The following FAM78B variants were observed in gnomAD, a reference collection of about 807,000 sequenced individuals.
FAM78B encodes family with sequence similarity 78 member B, also known as protein FAM78B.
In FAM78B, 10 loss-of-function variants were observed where a neutral mutation model predicts 20.0. That is an observed-to-expected ratio of 0.50 (90% CI 0.31 to 0.85). The LOEUF (loss-of-function observed/expected upper bound fraction) is 0.85. Ranked by LOEUF, FAM78B falls within the 40% of genes least tolerant of loss-of-function variation. The probability of loss-of-function intolerance (pLI) is 0.05; values close to 1 mark genes in which losing one functional copy is unlikely to be tolerated. For missense variants in FAM78B, 283 were observed against 345.0 expected (o/e 0.82, Z 1.42); for synonymous variants, 135 against 132.8 (o/e 1.02, Z -0.12).
intron 1 of FAM78B, among the ~76,000 whole-genome samples, chr1:166,132,567 T>C (rs945071196): frequency 1.3e-5 from 2 of 152,176 alleles, no homozygotes; most frequent in African/African-American, 4.8e-5. Flanking sequence ...CCATATGCCA[T>C]CTCCCTTCTT....
intron 1 of FAM78B, among the ~76,000 whole-genome samples, chr1:166,142,598 T>G (rs1318629719): frequency 6.6e-6 from 1 of 152,236 alleles, no homozygotes; most frequent in African/African-American, 2.4e-5. Context: ...CGTTTGTGAT[T>G]TGAGGAATCA....
At chr1:166,165,206 G>T (rs989390288) in intron 1 of FAM78B, 4 of 152,250 alleles carry the variant, frequency 2.6e-5, no homozygotes, top group African/African-American at 4.8e-5. Flanking sequence ...CCGCAATTAG[G>T]AAAGTTTTAA....
chr1:166,163,126 G>A (rs1394736787), intron 1 of FAM78B, among the ~76,000 whole-genome samples: 3 of 152,314 alleles, frequency 2.0e-5, no homozygotes, highest in Admixed American at 2.0e-4. Flanking sequence ...GTAAATGTTT[G>A]TATATTGACA....
intron 1 of FAM78B, among the ~76,000 whole-genome samples, chr1:166,099,778 A>G (rs964623338): frequency 1.2e-4 from 18 of 152,210 alleles, no homozygotes; most frequent in South Asian, 1.0e-3. Context: ...TTTATAAAAC[A>G]ATTACTAATT....
intron 1 of FAM78B, among the ~76,000 whole-genome samples, chr1:166,161,004 A>G (rs1030030307): frequency 3.3e-5 from 5 of 152,240 alleles, no homozygotes; most frequent in Non-Finnish European, 2.9e-5. Context: ...GGCAGGAAGT[A>G]GCTAGAGCAG....
intron 1 of FAM78B, among the ~76,000 whole-genome samples, chr1:166,158,857 G>T (rs894685827): frequency 5.9e-5 from 9 of 152,214 alleles, no homozygotes; most frequent in African/African-American, 9.7e-5. Flanking sequence ...CTGCTTCTTT[G>T]TAAGTATTCA....
At chr1:166,096,798 T>C (rs1653294810) in intron 1 of FAM78B, among the ~76,000 whole-genome samples, 1 of 151,884 alleles carries the variant, frequency 6.6e-6, no homozygotes, top group African/African-American at 2.4e-5. Context: ...AGTCCTACGA[T>C]CCAGAGAAGA....
At chr1:166,080,588 G>GGAA (rs1652525446) in intron 1 of FAM78B, among the ~76,000 whole-genome samples, 1 of 152,172 alleles carries the variant, frequency 6.6e-6, no homozygotes, top group Non-Finnish European at 1.5e-5. Context: ...TTAGAGGGTG[G>GGAA]GAAAAGAGGC....
chr1:166,086,408 C>A (rs76231982), intron 1 of FAM78B, among the ~76,000 whole-genome samples: 1 of 152,052 alleles, frequency 6.6e-6, no homozygotes, highest in South Asian at 2.1e-4. Context: ...CTCTCACTGG[C>A]GCTGGGCAGG....
At chr1:166,140,855 G>A (rs1483686361) in intron 1 of FAM78B, among the ~76,000 whole-genome samples, 1 of 152,178 alleles carries the variant, frequency 6.6e-6, no homozygotes, top group Admixed American at 6.5e-5. Flanking sequence ...TAATTCTGGG[G>A]CATGGGGCAG....
downstream of FAM78B, among the ~76,000 whole-genome samples, chr1:166,068,413 T>G (rs745660270): frequency 6.6e-6 from 1 of 152,238 alleles, no homozygotes; most frequent in East Asian, 1.9e-4. Context: ...TGTGTTGTTA[T>G]AAATAACTTG....
At chr1:166,143,627 T>C (rs899835519) in intron 1 of FAM78B, among the ~76,000 whole-genome samples, 1 of 151,750 alleles carries the variant, frequency 6.6e-6, no homozygotes, top group Non-Finnish European at 1.5e-5. Context: ...GGACAGGTGG[T>C]GGAGGGGAAG....
chr1:166,102,429 C>A (rs1186082784), intron 1 of FAM78B, among the ~76,000 whole-genome samples: 1 of 152,160 alleles, frequency 6.6e-6, no homozygotes, highest in Non-Finnish European at 1.5e-5. Flanking sequence ...GATAAAGAGT[C>A]AAGACCCATC....
At position 166,165,975 on chromosome 1, in the gene FAM78B, G is replaced by T. The variant is rs779238521; in HGVS notation, c.263+11C>A. On this transcript the variant is annotated intron_variant, in intron 1 of 1. Coordinates refer to ENST00000354422, the MANE Select transcript of FAM78B (RefSeq NM_001017961.5). ...AGAGTCCGCTCCCGTGCCGCGCGGCGAGTCGCTTACATGCCCAGGTCGCTG... is the reference window on the plus strand; with the variant it reads ...AGAGTCCGCTCCCGTGCCGCGCGGCTAGTCGCTTACATGCCCAGGTCGCTG... 2 of 1,613,588 alleles carry T rather than the reference G, an allele frequency of 1.2e-6. No individual in the cohort carries two copies. Among genetic ancestry groups the T allele is most frequent in the Non-Finnish European group, 1.7e-6 (2 of 1,179,900 alleles).
intron 1 of FAM78B, among the ~76,000 whole-genome samples, chr1:166,131,609 CTGCA>C (rs1188457714): frequency 1.3e-5 from 2 of 152,054 alleles, no homozygotes; most frequent in African/African-American, 4.8e-5. Context: ...TAGAACTGGG[CTGCA>C]TGAAGAATAA....
intron 1 of FAM78B, among the ~76,000 whole-genome samples, chr1:166,101,972 A>C (rs1214028495): frequency 6.6e-6 from 1 of 152,198 alleles, no homozygotes; most frequent in Non-Finnish European, 1.5e-5. Context: ...AGGTCAGGTT[A>C]CCCACAGAGG....
intron 1 of FAM78B, among the ~76,000 whole-genome samples, chr1:166,091,743 G>GTACCTTACA (rs1202530226): frequency 6.6e-6 from 1 of 152,174 alleles, no homozygotes; most frequent in Non-Finnish European, 1.5e-5. Context: ...TATGGACTTA[G>GTACCTTACA]TACCTTACAT....
chr1:166,074,618 A>G (rs867618708), intron 1 of FAM78B, among the ~76,000 whole-genome samples: 11 of 152,218 alleles, frequency 7.2e-5, no homozygotes, highest in Admixed American at 5.2e-4. Context: ...TGCATACGAC[A>G]AAGTGTTTTA....
At chr1:166,067,257 A>G (rs543825598), downstream of FAM78B, among the ~76,000 whole-genome samples, 2 of 152,280 alleles carry the variant, frequency 1.3e-5, no homozygotes, top group Admixed American at 1.3e-4. Context: ...ACCATTCTGA[A>G]TAGATGACCT....
Sources: allele counts gnomAD v4.1 joint callset (sites outside exome capture counted in the v4.1 genomes callset), GRCh38; gene constraint gnomAD v4.1.1; transcripts MANE v1.5; gene names NCBI Gene and HGNC (gene_info 2026-07-23, HGNC 2026-07-21).